The following RARB variants were observed in gnomAD, a reference collection of about 807,000 sequenced individuals.
RARB encodes retinoic acid receptor beta, also known as HBV-activated protein.
Under a neutral mutation model 51.9 loss-of-function variants are expected in RARB, and 17 were observed. The observed-to-expected ratio is 0.33, with a 90% confidence interval of 0.22 to 0.49. The LOEUF is 0.49. Ranked by LOEUF, RARB falls within the 20% of genes least tolerant of loss-of-function variation. The pLI, the probability that RARB is intolerant of heterozygous loss-of-function variation, is 0.99. For missense variants in RARB, 369 were observed against 550.8 expected (o/e 0.67, Z 3.30); for synonymous variants, 215 against 195.4 (o/e 1.10, Z -0.84).
chr3:24,931,189 G>A (rs1695431477), intron 2 of RARB, among the ~76,000 whole-genome samples: 1 of 151,920 alleles, frequency 6.6e-6, no homozygotes, highest in South Asian at 2.1e-4. Context: ...AGAGCCATTG[G>A]TTCATATTAT....
chr3:25,290,038 G>A (rs746334190), intron 5 of RARB, among the ~76,000 whole-genome samples: 4 of 152,098 alleles, frequency 2.6e-5, no homozygotes, highest in Non-Finnish European at 5.9e-5. Flanking sequence ...CAGTCCTTGG[G>A]TTGGGGGATT....
At chr3:25,345,975 G>A in intron 5 of RARB, 1 of 753,752 alleles carries the variant, frequency 1.3e-6, no homozygotes. Context: ...TCTGCAGTTT[G>A]GGGCTGGCTC....
chr3:24,992,878 T>TG (rs139985098), intron 2 of RARB, among the ~76,000 whole-genome samples: 12,830 of 152,190 alleles, frequency 0.084, 1,713 homozygotes, highest in African/African-American at 0.29. Flanking sequence ...ATACAAATTT[T>TG]GGGGGAACAC....
chr3:25,400,044 C>T (rs1381868367), intron 5 of RARB, among the ~76,000 whole-genome samples: 1 of 152,128 alleles, frequency 6.6e-6, no homozygotes, highest in Non-Finnish European at 1.5e-5. Flanking sequence ...ATATAATATG[C>T]TTAGAATAAT....
At chr3:25,138,359 A>G (rs965069604) in intron 4 of RARB, among the ~76,000 whole-genome samples, 1 of 151,654 alleles carries the variant, frequency 6.6e-6, no homozygotes, top group South Asian at 2.1e-4. Flanking sequence ...TTGGTAGCCA[A>G]AGGAAAATCC....
intron 3 of RARB, among the ~76,000 whole-genome samples, chr3:25,518,633 C>T (rs2125629531): frequency 6.6e-6 from 1 of 152,230 alleles, no homozygotes; most frequent in South Asian, 2.1e-4. Flanking sequence ...ATGGCTTCCT[C>T]AAAACAAGAG....
intron 2 of RARB, among the ~76,000 whole-genome samples, chr3:24,939,986 T>C (rs1160195397): frequency 6.6e-6 from 1 of 152,234 alleles, no homozygotes; most frequent in Non-Finnish European, 1.5e-5. Context: ...TTTGTGATTC[T>C]AATCAAAACA....
intron 5 of RARB, among the ~76,000 whole-genome samples, chr3:25,235,469 A>G (rs952822620): frequency 6.6e-6 from 1 of 152,184 alleles, no homozygotes; most frequent in South Asian, 2.1e-4. Context: ...CACCAAAAGG[A>G]GATCAGAGGT....
intron 2 of RARB, among the ~76,000 whole-genome samples, chr3:24,938,520 C>G (rs930843294): frequency 1.3e-5 from 2 of 152,050 alleles, no homozygotes; most frequent in East Asian, 3.9e-4. Context: ...ATGCTTAGCT[C>G]CAGTAACTCC....
intron 3 of RARB, among the ~76,000 whole-genome samples, chr3:25,549,892 A>G (rs1296406528): frequency 6.6e-6 from 1 of 151,878 alleles, no homozygotes; most frequent in East Asian, 1.9e-4. Context: ...CACAGTCAAG[A>G]TGTAAGCCCA....
intron 2 of RARB, among the ~76,000 whole-genome samples, chr3:24,921,291 G>GA (rs1695211503): frequency 6.6e-6 from 1 of 152,090 alleles, no homozygotes; most frequent in Non-Finnish European, 1.5e-5. Flanking sequence ...TTCTGTAGCT[G>GA]AAAAAATTGC....
At chr3:24,876,002 C>G (rs184163020) in intron 2 of RARB, among the ~76,000 whole-genome samples, 63 of 152,100 alleles carry the variant, frequency 4.1e-4, no homozygotes, top group Non-Finnish European at 7.2e-4. Flanking sequence ...TTAGACTGTC[C>G]CTCCGTTTGG....
intron 1 of RARB, among the ~76,000 whole-genome samples, chr3:24,835,504 A>T (rs1036230593): frequency 2.6e-5 from 4 of 152,090 alleles, no homozygotes; most frequent in African/African-American, 4.8e-5. Context: ...TATGTGCCAG[A>T]CTCTGTACTA....
chr3:25,172,804 T>C (rs1700669900), intron 4 of RARB, among the ~76,000 whole-genome samples: 1 of 152,242 alleles, frequency 6.6e-6, no homozygotes, highest in Non-Finnish European at 1.5e-5. Context: ...ACCTAGTGTT[T>C]ACTATATACC....
At chr3:24,987,648 A>G (rs1047909869) in intron 2 of RARB, among the ~76,000 whole-genome samples, 2 of 152,248 alleles carry the variant, frequency 1.3e-5, no homozygotes, top group African/African-American at 4.8e-5. Flanking sequence ...AGAGAAAAAT[A>G]TATGGGAAGA....
intron 2 of RARB, among the ~76,000 whole-genome samples, chr3:24,923,185 A>G (rs17015451): frequency 0.2 from 29,840 of 152,114 alleles, 3,049 homozygotes; most frequent in East Asian, 0.28. Context: ...CTAAGATCAG[A>G]AAGGTGCTTC....
intron 5 of RARB, among the ~76,000 whole-genome samples, chr3:25,267,154 A>C (rs1016622942): frequency 2.0e-5 from 3 of 152,182 alleles, no homozygotes; most frequent in Non-Finnish European, 4.4e-5. Flanking sequence ...GATTGTACCG[A>C]GTGTTCTACA....
At chr3:24,853,013 T>C (rs1183291087) in intron 1 of RARB, among the ~76,000 whole-genome samples, 1 of 152,120 alleles carries the variant, frequency 6.6e-6, no homozygotes, top group African/African-American at 2.4e-5. Flanking sequence ...TCAATAATGC[T>C]GCTTTTAAAA....
At chr3:25,197,185 G>T (rs1054366242) in intron 5 of RARB, among the ~76,000 whole-genome samples, 4 of 151,876 alleles carry the variant, frequency 2.6e-5, no homozygotes, top group Non-Finnish European at 5.9e-5. Flanking sequence ...GTCTTCTAGG[G>T]TTATTATGTT....
Sources: allele counts gnomAD v4.1 joint callset (sites outside exome capture counted in the v4.1 genomes callset), GRCh38; gene constraint gnomAD v4.1.1; transcripts MANE v1.5; gene names NCBI Gene and HGNC (gene_info 2026-07-23, HGNC 2026-07-21).